PIBF1: variants seen among roughly 807,000 people sequenced by gnomAD.
PIBF1 encodes the protein progesterone-induced-blocking factor 1.
PIBF1 carries 90 observed loss-of-function variants against 112.5 expected under a neutral mutation model. The observed-to-expected ratio is 0.80, with a 90% confidence interval of 0.67 to 0.95. The LOEUF (loss-of-function observed/expected upper bound fraction) is 0.95. Among genes scored for constraint, PIBF1 ranks in the 40% least tolerant of loss-of-function variants. The pLI is 0.00. For synonymous variants in PIBF1, 301 were observed against 288.6 expected, an observed-to-expected ratio of 1.04 and a Z score of -0.44; for missense variants, 915 against 852.3, an observed-to-expected ratio of 1.07 and a Z score of -0.92.
At chr13:72,831,233 T>G (rs112207814) in intron 8 of PIBF1, among the ~76,000 whole-genome samples, 2 of 152,154 alleles carry the variant, frequency 1.3e-5, no homozygotes, top group African/African-American at 4.8e-5. Flanking sequence ...ATTCATTGAT[T>G]TTTTGAAGGG....
At chr13:72,889,286 C>G (rs2039970715) in intron 10 of PIBF1, among the ~76,000 whole-genome samples, 1 of 152,152 alleles carries the variant, frequency 6.6e-6, no homozygotes, top group African/African-American at 2.4e-5. Context: ...CTGAATCTAC[C>G]AAAGACTGAA....
chr13:72,815,150 G>A (rs1255269849), intron 5 of PIBF1, among the ~76,000 whole-genome samples: 7 of 152,048 alleles, frequency 4.6e-5, no homozygotes, highest in Non-Finnish European at 8.8e-5. Context: ...AAACATTTAG[G>A]CCAATTTTGC....
At chr13:72,925,692 C>T (rs1270592866) in intron 13 of PIBF1, among the ~76,000 whole-genome samples, 2 of 151,784 alleles carry the variant, frequency 1.3e-5, no homozygotes, top group Non-Finnish European at 2.9e-5. Context: ...CAGGCGCCTG[C>T]CACCACACCC....
At chr13:72,783,313 C>G (rs2304761) in intron 1 of PIBF1, 110 bp from the exon 2 acceptor site, 339,572 of 585,286 alleles carry the variant, frequency 0.58, 100,506 homozygotes, top group East Asian at 0.77. Context: ...TTGGGATGCA[C>G]TAAATTGCCT....
intron 9 of PIBF1, among the ~76,000 whole-genome samples, chr13:72,851,114 G>C (rs1007711242): frequency 2.1e-4 from 32 of 152,176 alleles, no homozygotes; most frequent in Non-Finnish European, 4.1e-4. Context: ...AGCTGCAGTG[G>C]GGGAGGCGCG....
At chr13:72,938,371 C>T (rs936578475) in intron 14 of PIBF1, among the ~76,000 whole-genome samples, 1 of 152,098 alleles carries the variant, frequency 6.6e-6, no homozygotes, top group African/African-American at 2.4e-5. Context: ...CCGCCTCCAC[C>T]TCAGTCCCCC....
chr13:72,998,251 C>A (rs539084963), intron 16 of PIBF1, among the ~76,000 whole-genome samples: 1 of 152,272 alleles, frequency 6.6e-6, no homozygotes, highest in Admixed American at 6.5e-5. Context: ...TGGAAGGTAG[C>A]TATGCCAGTG....
intron 13 of PIBF1, among the ~76,000 whole-genome samples, chr13:72,926,145 A>G (rs535734721): frequency 1.3e-5 from 2 of 152,330 alleles, no homozygotes; most frequent in South Asian, 4.1e-4. Context: ...TGTGGCTACT[A>G]GAAAATTTTA....
chr13:72,855,413 C>G (rs2138331546), intron 10 of PIBF1, among the ~76,000 whole-genome samples: 1 of 152,234 alleles, frequency 6.6e-6, no homozygotes, highest in East Asian at 1.9e-4. Context: ...CACTGGAAGG[C>G]TGAGGCAGGT....
chr13:72,965,508 A>C, intron 15 of PIBF1, 104 bp downstream of exon 15: 1 of 865,054 alleles, frequency 1.2e-6, no homozygotes, highest in Non-Finnish European at 1.7e-6. Flanking sequence ...AATTTAAATA[A>C]TGAAGGTGTC....
chr13:73,007,809 C>CAAA (rs34084112), intron 17 of PIBF1, among the ~76,000 whole-genome samples: 2 of 135,854 alleles, frequency 1.5e-5, no homozygotes, highest in African/African-American at 5.6e-5. Context: ...AACTCCATCT[C>CAAA]AAAAAAAAAA....
chr13:72,981,255 AAAAAT>A (rs933207726), intron 16 of PIBF1, among the ~76,000 whole-genome samples: 15 of 151,730 alleles, frequency 9.9e-5, no homozygotes, highest in East Asian at 9.7e-4. Flanking sequence ...CTGTCTCAAA[AAAAAT>A]AAAATAAAAT....
Position 72,905,710 on chromosome 13 carries a change from T to C in PIBF1, c.1489-2821T>C, listed in dbSNP as rs75473406. ...TAGCTGGTTACAAACAAAATTGATT[T>C]TATAACCTCCAAAAAATTGCAACTT... On this transcript the variant is annotated intron_variant, in intron 11 of 17. Transcript: ENST00000326291. Among the ~76,000 whole-genome samples the C allele has an allele frequency of 7.0e-3, 1,069 of 152,292 alleles. 17 individuals are homozygous for C. The highest frequency in any genetic ancestry group is 0.024 in the African/African-American group (1,015 of 41,564).
At chr13:72,882,905 A>ATTTATGCTGGATCATATGGTAGC (rs2039700452) in intron 10 of PIBF1, among the ~76,000 whole-genome samples, 1 of 152,216 alleles carries the variant, frequency 6.6e-6, no homozygotes, top group Non-Finnish European at 1.5e-5. Flanking sequence ...CTAAAAGTAG[A>ATTTATGCTGGATCATATGGTAGC]TTTATGCTGG....
Position 72,919,868 on chromosome 13 carries a change from G to A in PIBF1, c.1730+2702G>A, listed in dbSNP as rs551177646. Among the ~76,000 whole-genome samples, 44 of 152,234 alleles carry A rather than the reference G, an allele frequency of 2.9e-4. No homozygotes were observed. The South Asian group carries it at 4.1e-3, about 14-fold the overall frequency. ...CCTGTAGTCCCAGCTACCCTGCTCA[G>A]GAGGCTGAGGTGGGAGGATTACCTG... On this transcript the variant is annotated intron_variant, in intron 13 of 17. Transcript: ENST00000326291.
At chr13:72,899,138 A>G (rs1394484148) in intron 11 of PIBF1, among the ~76,000 whole-genome samples, 1 of 152,158 alleles carries the variant, frequency 6.6e-6, no homozygotes, top group Non-Finnish European at 1.5e-5. Context: ...TAATTTAAAA[A>G]TTACCAAAAA....
At chr13:72,917,797 A>T (rs1290727080) in intron 13 of PIBF1, among the ~76,000 whole-genome samples, 2 of 152,224 alleles carry the variant, frequency 1.3e-5, no homozygotes, top group Non-Finnish European at 2.9e-5. Flanking sequence ...ATTATTCCTT[A>T]ATACAGTTAT....
chr13:72,858,277 C>T (rs745795841), intron 10 of PIBF1, among the ~76,000 whole-genome samples: 10 of 152,180 alleles, frequency 6.6e-5, no homozygotes, highest in Non-Finnish European at 1.3e-4. Context: ...GTCTCGAATT[C>T]GTGACCTCAA....
chr13:72,976,396 G>A (rs1422242163), intron 16 of PIBF1, among the ~76,000 whole-genome samples: 2 of 152,128 alleles, frequency 1.3e-5, no homozygotes, highest in East Asian at 1.9e-4. Flanking sequence ...CTAGCAAGAT[G>A]AAACTACTCA....
Sources: gnomAD v4.1 joint callset for allele counts (sites outside exome capture counted in the v4.1 genomes callset) on GRCh38, gnomAD v4.1.1 for gene constraint, MANE v1.5 for transcripts, NCBI Gene and HGNC (gene_info 2026-07-23, HGNC 2026-07-21) for gene names.